The following GRIA4 variants were observed in gnomAD, a reference collection of about 807,000 sequenced individuals.
GRIA4 encodes the protein glutamate receptor 4.
A neutral mutation model predicts 104.0 loss-of-function variants in GRIA4; 34 were observed. The observed-to-expected ratio is 0.33, with a 90% confidence interval of 0.25 to 0.44. GRIA4 has a LOEUF of 0.44. Among genes scored for constraint, GRIA4 ranks in the 20% least tolerant of loss-of-function variants. The pLI, the probability that GRIA4 is intolerant of heterozygous loss-of-function variation, is 1.00. For missense variants in GRIA4, 750 were observed against 1,096.5 expected, an observed-to-expected ratio of 0.68 and a Z score of 4.46; for synonymous variants, 386 against 381.9, an observed-to-expected ratio of 1.01 and a Z score of -0.13.
chr11:105,667,163 G>A (rs559556501), intron 3 of GRIA4, among the ~76,000 whole-genome samples: 1 of 151,884 alleles, frequency 6.6e-6, no homozygotes, highest in Non-Finnish European at 1.5e-5. Flanking sequence ...TATGTACCCT[G>A]TGTTGGATTT....
intron 3 of GRIA4, among the ~76,000 whole-genome samples, chr11:105,663,035 C>G (rs182386988): frequency 2.0e-5 from 3 of 151,950 alleles, no homozygotes; most frequent in East Asian, 1.9e-4. Flanking sequence ...GACAGATAAT[C>G]TAAAATATCC....
intron 4 of GRIA4, among the ~76,000 whole-genome samples, chr11:105,794,510 T>TATATATATACAC (rs1555010377): frequency 8.2e-6 from 1 of 121,672 alleles, no homozygotes; most frequent in African/African-American, 3.3e-5. Flanking sequence ...TATATATATA[T>TATATATATACAC]ATACATATAC....
At chr11:105,704,683 T>G (rs1953629507) in intron 3 of GRIA4, among the ~76,000 whole-genome samples, 1 of 152,032 alleles carries the variant, frequency 6.6e-6, no homozygotes. Flanking sequence ...ACACAAAAAT[T>G]AAACATTCTA....
intron 10 of GRIA4, chr11:105,913,342 C>T: frequency 4.9e-6 from 3 of 615,010 alleles, no homozygotes; most frequent in Non-Finnish European, 6.1e-6. Flanking sequence ...TGTATATCTA[C>T]AATGTGATTT....
intron 4 of GRIA4, among the ~76,000 whole-genome samples, chr11:105,833,440 G>A (rs945207459): frequency 6.6e-6 from 1 of 151,872 alleles, no homozygotes; most frequent in Admixed American, 6.6e-5. Context: ...ATCTATAGAT[G>A]ATATAGATAT....
At chr11:105,821,508 C>A (rs60241016) in intron 4 of GRIA4, among the ~76,000 whole-genome samples, 4 of 151,518 alleles carry the variant, frequency 2.6e-5, no homozygotes, top group Non-Finnish European at 5.9e-5. Flanking sequence ...AAGGGAGAGC[C>A]GGTGTCTCAC....
Position 105,727,458 on chromosome 11 carries a change from A to T in GRIA4, c.248-25523A>T, listed in dbSNP as rs528196283. ...AACCAAGTTGGAAAACACTGTTCAG[A>T]ATATTATCCAGGAGAAATTCCCCAA... On this transcript the variant is annotated intron_variant, in intron 3 of 16. Transcript: ENST00000282499. Among the ~76,000 whole-genome samples, 13 of 152,244 alleles carry T rather than the reference A, an allele frequency of 8.5e-5. No individual in the cohort carries two copies. In the South Asian group the frequency reaches 2.7e-3, roughly 32 times the overall value.
chr11:105,750,492 A>G (rs139098293), intron 3 of GRIA4, among the ~76,000 whole-genome samples: 1 of 152,130 alleles, frequency 6.6e-6, no homozygotes, highest in African/African-American at 2.4e-5. Context: ...ACAGACAACT[A>G]TGAAAAGGAG....
At chr11:105,645,828 C>A (rs555894988) in intron 3 of GRIA4, among the ~76,000 whole-genome samples, 1 of 151,996 alleles carries the variant, frequency 6.6e-6, no homozygotes, top group Non-Finnish European at 1.5e-5. Context: ...AGACAGATAA[C>A]CTAGAGCAGA....
intron 4 of GRIA4, among the ~76,000 whole-genome samples, chr11:105,847,772 G>T (rs1386611983): frequency 6.6e-6 from 1 of 152,136 alleles, no homozygotes; most frequent in Non-Finnish European, 1.5e-5. Flanking sequence ...TGACCTTAAA[G>T]TTCCAAACCA....
intron 4 of GRIA4, among the ~76,000 whole-genome samples, chr11:105,819,474 G>T (rs1231668987): frequency 6.6e-6 from 1 of 152,078 alleles, no homozygotes; most frequent in African/African-American, 2.4e-5. Context: ...CAAGCAATCA[G>T]AAAATTATAC....
chr11:105,625,672 G>A (rs183984666), intron 3 of GRIA4, among the ~76,000 whole-genome samples: 3 of 152,186 alleles, frequency 2.0e-5, no homozygotes, highest in East Asian at 3.9e-4. Flanking sequence ...GACCTGTTCT[G>A]TCTGGATGGG....
chr11:105,714,098 C>T (rs1488592350), intron 3 of GRIA4, among the ~76,000 whole-genome samples: 1 of 152,008 alleles, frequency 6.6e-6, no homozygotes, highest in Non-Finnish European at 1.5e-5. Context: ...GCCTCAACTT[C>T]CACATTTATA....
intron 4 of GRIA4, among the ~76,000 whole-genome samples, chr11:105,781,128 T>C (rs2135772925): frequency 6.6e-6 from 1 of 152,340 alleles, no homozygotes; most frequent in Middle Eastern, 3.4e-3. Context: ...GATCTTTATT[T>C]ATACTAATTT....
At chr11:105,895,079 G>A (rs1207894502) in intron 6 of GRIA4, among the ~76,000 whole-genome samples, 1 of 102,872 alleles carries the variant, frequency 9.7e-6, no homozygotes, top group Non-Finnish European at 2.1e-5. Context: ...GATTACAGGC[G>A]TGAGCCACCG....
intron 4 of GRIA4, among the ~76,000 whole-genome samples, chr11:105,808,264 T>G (rs879811225): frequency 6.6e-6 from 1 of 151,926 alleles, no homozygotes; most frequent in Non-Finnish European, 1.5e-5. Flanking sequence ...TGAAATAAAT[T>G]AAAATGCTAC....
chr11:105,610,902 T>TTTTTTTTTTTTTC lies in GRIA4; in HGVS notation c.-90-3_-90-2insTTTTTTTTTCTTT. ...TTTTTTTTTTTTTGGTTGATTTTAA[T>TTTTTTTTTTTTTC]TTTAGCGCCATCGTCTTCAATGCTT... On this transcript the variant is annotated splice_polypyrimidine_tract_variant and splice_region_variant and intron_variant, in intron 1 of 16. Transcript: ENST00000282499. 1.9e-6 allele frequency: 1 copy of TTTTTTTTTTTTTC among 521,836 alleles called. No homozygotes were observed. The highest frequency in any genetic ancestry group is 2.0e-5 in the African/African-American group (1 of 50,772). The allele number at this position is 521,836 out of a possible 1,614,324, so 32.3% of individuals were successfully genotyped here.
chr11:105,785,044 T>A (rs889160727), intron 4 of GRIA4, among the ~76,000 whole-genome samples: 8 of 152,106 alleles, frequency 5.3e-5, no homozygotes, highest in African/African-American at 1.9e-4. Context: ...CCAGCTACTG[T>A]TTATATGCTA....
chr11:105,978,851 A>G (rs1859128122), intron 16 of GRIA4, among the ~76,000 whole-genome samples: 1 of 152,224 alleles, frequency 6.6e-6, no homozygotes, highest in Non-Finnish European at 1.5e-5. Flanking sequence ...TAATGTGATA[A>G]GGAGCAGGAA....
Sources: allele counts gnomAD v4.1 joint callset (sites outside exome capture counted in the v4.1 genomes callset), GRCh38; gene constraint gnomAD v4.1.1; transcripts MANE v1.5; gene names NCBI Gene and HGNC (gene_info 2026-07-23, HGNC 2026-07-21).